Variants in DNAH1 observed in about 807,000 individuals in gnomAD.
DNAH1 encodes dynein axonemal heavy chain 1, also known as axonemal beta dynein heavy chain 1.
Under a neutral mutation model 484.3 loss-of-function variants are expected in DNAH1, and 327 were observed. The ratio of observed to expected loss-of-function variants is 0.68; its 90% CI spans 0.62 to 0.74. DNAH1 has a LOEUF of 0.74. DNAH1 is among the 30% of genes least tolerant of loss of function. DNAH1 has a pLI of 0.00. For missense variants in DNAH1, 5,052 were observed against 5,546.8 expected (o/e 0.91, Z 2.83); for synonymous variants, 2,192 against 2,191.9 (o/e 1.00, Z 0.00).
chr3:52,354,993 C>A lies in DNAH1; in HGVS notation c.3631C>A (p.Pro1211Thr), dbSNP rs548546416. ...IVMTQNMSFS[P>T]YKKPFEQRIN... ...CATGACCCAGAATATGTCATTTTCA[C>A]CCTACAAGAAGCCCTTTGAGCAGCG... The change falls in exon 21 of 78, where the codon CCC becomes ACC. Residue 1211 changes from proline to threonine, a missense_variant. Physicochemically the swap from Pro to Thr is conservative, Grantham distance 38 (BLOSUM62 -1). Coordinates refer to ENST00000420323, the MANE Select transcript of DNAH1 (RefSeq NM_015512.5). 6.2e-7 allele frequency: 1 copy of A among 1,614,008 alleles called. No homozygotes were observed. Among genetic ancestry groups the A allele is most frequent in the South Asian group, 1.1e-5 (1 of 91,086 alleles).
Position 52,328,008 on chromosome 3 carries a change from G to A in DNAH1, c.865G>A (p.Gly289Arg), listed in dbSNP as rs756304375. The change falls in exon 6 of 78, where the codon GGG becomes AGG. Residue 289 changes from glycine to arginine, a missense_variant. This residue lies in a region of DNAH1 where 1,263 missense variants were observed against 1,218.8 expected (regional missense o/e 1.04). Transcript: ENST00000420323. ...CCTCTTGCCCACTGATGACTTCCTG[G>A]GGCATGGTGAGCAAGGCCACTCTGG... is the stretch of plus-strand genomic sequence containing the variant. The part of the protein sequence containing the change: ...KALLPTDDFL[G>R]HEDPKSQKLK... The A allele has an allele frequency of 1.2e-6, 2 of 1,613,592 alleles. No homozygotes were observed. Among genetic ancestry groups the A allele is most frequent in the Admixed American group, 3.3e-5 (2 of 60,004 alleles).
intron 13 of DNAH1, 45 bp downstream of exon 13, chr3:52,349,126 G>A: frequency 6.2e-7 from 1 of 1,612,466 alleles, no homozygotes; most frequent in Non-Finnish European, 8.5e-7. Flanking sequence ...CTGTGTGTTT[G>A]TGCATGTGTA....
Position 52,396,604 on chromosome 3 carries a change from C to A in DNAH1, c.11431-14C>A, listed in dbSNP as rs768083246. 1.9e-6 allele frequency: 3 copies of A among 1,610,980 alleles called. No individual in the cohort carries two copies. In the South Asian group the frequency reaches 3.3e-5, roughly 18 times the overall value. On this transcript the variant is annotated splice_polypyrimidine_tract_variant and intron_variant, in intron 71 of 77. Transcript: ENST00000420323. ...TCCCCGCTCCTCACCTCCCCTGCCT[C>A]CCACCTCCCCCAGGTGATGGAGTTC...
In DNAH1 at chr3:52,370,843, CCA is replaced by C. The variant is rs1559541990; in HGVS notation, c.6525+19_6525+20del. On this transcript the variant is annotated intron_variant, in intron 41 of 77. Coordinates refer to ENST00000420323, the MANE Select transcript of DNAH1 (RefSeq NM_015512.5). ...ACAAGCAGGTGGCCGCAGGCCCTCC[CCA>C]GAGACTGCACAGGGAGGGACCACTG... 1 of 1,573,242 alleles carries C rather than the reference CCA, an allele frequency of 6.4e-7. No homozygotes were observed. Among genetic ancestry groups the C allele is most frequent in the Non-Finnish European group, 8.6e-7 (1 of 1,159,928 alleles).
Position 52,370,187 on chromosome 3 carries a change from C to G in DNAH1, c.6216C>G (p.Leu2072=). 6.2e-7 allele frequency: 1 copy of G among 1,614,002 alleles called. No homozygotes were observed. The highest frequency in any genetic ancestry group is 1.3e-5 in the African/African-American group (1 of 75,062). Reference sequence around the variant, plus strand: ...ACTGCAACCTGACCATGAGCCTCCTCAAGCTGCTGGACTGCTTCTTCAAGC... The same window carrying G: ...ACTGCAACCTGACCATGAGCCTCCTGAAGCTGCTGGACTGCTTCTTCAAGC... ...STNCNLTMSL[L]KLLDCFFKPF... The change falls in exon 39 of 78, where the codon CTC becomes CTG. Residue 2072 remains leucine, a synonymous_variant. Coordinates refer to ENST00000420323, the MANE Select transcript of DNAH1 (RefSeq NM_015512.5).
chr3:52,384,911 C>T lies in DNAH1; in HGVS notation c.8448C>T (p.Ile2816=), dbSNP rs769821553. ...TGGAGCTGCTTCATATTTTCTCCATCCTCATCGGGCAGAAGAAACTGGAGC... is the reference window on the plus strand; with the variant it reads ...TGGAGCTGCTTCATATTTTCTCCATTCTCATCGGGCAGAAGAAACTGGAGC... ...SYLELLHIFS[I]LIGQKKLELK... Residue 2816 remains isoleucine, a synonymous_variant, in exon 53 of 78, where the codon ATC becomes ATT. Transcript: ENST00000420323. The T allele has an allele frequency of 1.9e-6, 3 of 1,613,620 alleles. No homozygotes were observed. The highest frequency in any genetic ancestry group is 2.5e-6 in the Non-Finnish European group (3 of 1,179,732).
In DNAH1 at chr3:52,395,422, A is replaced by C. The variant is rs1388824171; in HGVS notation, c.11083A>C (p.Lys3695Gln). The C allele has an allele frequency of 6.2e-7, 1 of 1,613,864 alleles. No individual in the cohort carries two copies. Among genetic ancestry groups the C allele is most frequent in the African/African-American group, 1.3e-5 (1 of 75,044 alleles). Residue 3695 changes from lysine (K) to glutamine (Q), a missense_variant, in exon 69 of 78, where the codon AAG (lysine) becomes CAG (glutamine). This residue lies in a region of DNAH1 where 853 missense variants were observed against 899.0 expected (regional missense o/e 0.95). Transcript: ENST00000420323. The surrounding 1 kb of genome is among the most constrained non-coding windows in gnomAD (Gnocchi z 4.4). ...CCTCTACAAGTTTGCCGAAGAAATGAAGTTCTCCAAAAAGCTCTCTGCCAT... is the reference window on the plus strand; with the variant it reads ...CCTCTACAAGTTTGCCGAAGAAATGCAGTTCTCCAAAAAGCTCTCTGCCAT... ...ADLYKFAEEMKFSKKLSAISL... is the reference protein window; with the variant it reads ...ADLYKFAEEMQFSKKLSAISL...
chr3:52,326,928 G>A (rs778009267), intron 5 of DNAH1, 37 bp downstream of exon 5: 1 of 1,597,602 alleles, frequency 6.3e-7, no homozygotes, highest in Non-Finnish European at 8.5e-7. Flanking sequence ...AGAGACAGGG[G>A]CAGAAGTGCA....
rs531685978 is a variant in DNAH1 at position 52,386,415 on chromosome 3, C to T, written c.8811+70C>T. On this transcript the variant is annotated intron_variant, in intron 55 of 77. Transcript: ENST00000420323. ...GTCCTCAAGCCTTCCCTCTGCACATCCCCTGGGACCCAGCAGCCTGCCCCA... is the reference window on the plus strand; with the variant it reads ...GTCCTCAAGCCTTCCCTCTGCACATTCCCTGGGACCCAGCAGCCTGCCCCA... The T allele has an allele frequency of 4.9e-4, 725 of 1,467,942 alleles. 5 individuals are homozygous for T. The African/African-American group carries it at 9.3e-3, about 19-fold the overall frequency. The allele number at this position is 1,467,942 out of a possible 1,614,324, so 90.9% of individuals were successfully genotyped here.
rs781336235 is a variant in DNAH1, at chr3:52,379,129, G to A, written c.7377+349G>A. On this transcript the variant is annotated intron_variant, in intron 47 of 77. Transcript: ENST00000420323. This position sits in a 1 kb window ranked among gnomAD's most constrained non-coding sequence, Gnocchi z 4.4. Reference sequence around the variant, plus strand: ...CCAGGTGGAAGGAGGGGGAAGTGTAGCAGGGAGCCAGGTGTCAGGGGCACT... The same window carrying A: ...CCAGGTGGAAGGAGGGGGAAGTGTAACAGGGAGCCAGGTGTCAGGGGCACT... Among the ~76,000 whole-genome samples the A allele has an allele frequency of 1.4e-4, 21 of 152,196 alleles. No individual in the cohort carries two copies. Among genetic ancestry groups the A allele is most frequent in the Non-Finnish European group, 2.9e-4 (20 of 68,032 alleles).
rs371364322 is a variant in DNAH1, at chr3:52,360,409, C to T, written c.4670C>T (p.Thr1557Met). ...YLGNSGRLVI[T>M]PLTDRCYLTL... ...GGCAACAGTGGGAGGCTGGTGATCA[C>T]GCCCCTCACCGACAGGTAAGCGTTC... is the stretch of plus-strand genomic sequence containing the variant. The change falls in exon 28 of 78, where the codon ACG (threonine) becomes ATG (methionine). Residue 1557 changes from threonine (T) to methionine (M), a missense_variant. Thr to Met is a moderately conservative substitution (Grantham distance 81). Coordinates refer to ENST00000420323, the MANE Select transcript of DNAH1 (RefSeq NM_015512.5). 50 of 1,613,514 alleles carry T rather than the reference C, an allele frequency of 3.1e-5. No individual in the cohort carries two copies. Among genetic ancestry groups the T allele is most frequent in the Non-Finnish European group, 4.2e-5 (49 of 1,179,640 alleles).
chr3:52,373,593 A>C (rs1703452533), intron 44 of DNAH1: 1 of 1,468,242 alleles, frequency 6.8e-7, no homozygotes, highest in South Asian at 1.1e-5. Context: ...CAAACAGCAA[A>C]ATTCTTCAAG....
chr3:52,335,522 T>G (rs1314210324), intron 8 of DNAH1, among the ~76,000 whole-genome samples: 3 of 151,550 alleles, frequency 2.0e-5, no homozygotes, highest in Non-Finnish European at 4.4e-5. Flanking sequence ...TTGGCCAGGT[T>G]GGTTTTGAAC....
At chr3:52,327,024 A>C in intron 5 of DNAH1, 133 bp downstream of exon 5, 2 of 1,235,622 alleles carry the variant, frequency 1.6e-6, no homozygotes, top group Non-Finnish European at 2.2e-6. Flanking sequence ...AGGGCAGGTC[A>C]ACAATAGGAA....
rs1417421666 is a variant in DNAH1, at chr3:52,357,958, G to A, written c.4041G>A (p.Thr1347=). The A allele has an allele frequency of 1.9e-6, 3 of 1,612,922 alleles. No homozygotes were observed. The highest frequency in any genetic ancestry group is 2.2e-5 in the East Asian group (1 of 44,878). The stretch of plus-strand genomic sequence containing the variant: ...TCTTGTCGCAGACAAAGGACCCCAC[G>A]GCCGTGCAGCCACACCTGCGCAAGT... The part of the protein sequence containing the change: ...LEILSQTKDP[T]AVQPHLRKCF... Residue 1347 remains threonine, a synonymous_variant, in exon 24 of 78, where the codon ACG becomes ACA. Coordinates refer to ENST00000420323, the MANE Select transcript of DNAH1 (RefSeq NM_015512.5).
At position 52,344,482 on chromosome 3, in the gene DNAH1, A is replaced by G. The variant is rs757579570; in HGVS notation, c.1287-8A>G. The G allele has an allele frequency of 5.6e-6, 9 of 1,612,172 alleles. No individual in the cohort carries two copies. The highest frequency in any genetic ancestry group is 2.2e-5 in the East Asian group (1 of 44,828). On this transcript the variant is annotated splice_polypyrimidine_tract_variant and splice_region_variant and intron_variant, in intron 8 of 77. Coordinates refer to ENST00000420323, the MANE Select transcript of DNAH1 (RefSeq NM_015512.5). ...CCTGATTCCCCCATCTCCCATCTCT[A>G]TGGGCAGGGTTCTAGAGCACCTCAG...
At chr3:52,390,632 G>T (rs1197204274) in intron 60 of DNAH1, among the ~76,000 whole-genome samples, 2 of 152,192 alleles carry the variant, frequency 1.3e-5, no homozygotes, top group African/African-American at 4.8e-5. Flanking sequence ...GGACAAAAAG[G>T]CACAGCGAAG....
At chr3:52,344,707 C>A in intron 9 of DNAH1, 60 bp downstream of exon 9, 3 of 1,538,964 alleles carry the variant, frequency 1.9e-6, no homozygotes, top group East Asian at 2.3e-5. Context: ...AGCCCCCTCC[C>A]ACCTTCCCCT....
At position 52,395,490 on chromosome 3, in the gene DNAH1, G is replaced by T; in HGVS notation, c.11127+24G>T. On this transcript the variant is annotated intron_variant, in intron 69 of 77. Transcript: ENST00000420323. The surrounding 1 kb of genome is among the most constrained non-coding windows in gnomAD (Gnocchi z 4.4). ...AGGTCAGGGCTAGGCAGGGAGGAAG[G>T]GAGTGGGCTGGGGGGTGGGCAAGCT... 2 of 1,613,692 alleles carry T rather than the reference G, an allele frequency of 1.2e-6. No individual in the cohort carries two copies. Among genetic ancestry groups the T allele is most frequent in the Non-Finnish European group, 1.7e-6 (2 of 1,179,810 alleles).
Sources: gnomAD v4.1 joint callset for allele counts (sites outside exome capture counted in the v4.1 genomes callset) on GRCh38, gnomAD v4.1.1 for gene constraint, gnomAD v4.1.1 regional missense constraint, Gnocchi (gnomAD v3.1) non-coding constraint, MANE v1.5 for transcripts, NCBI Gene and HGNC (gene_info 2026-07-23, HGNC 2026-07-21) for gene names.